Variants in EIF4H observed in about 807,000 individuals in gnomAD.
EIF4H encodes the protein Williams-Beuren syndrome chromosome region 1.
A neutral mutation model predicts 30.6 loss-of-function variants in EIF4H; 8 were observed. That is an observed-to-expected ratio of 0.26 (90% CI 0.15 to 0.47). The LOEUF (loss-of-function observed/expected upper bound fraction) is 0.47. EIF4H is among the 20% of genes least tolerant of loss of function. EIF4H has a pLI of 0.99. For missense variants in EIF4H, 188 were observed against 339.5 expected (o/e 0.55, Z 3.51); for synonymous variants, 106 against 122.7 (o/e 0.86, Z 0.90).
intron 1 of EIF4H, among the ~76,000 whole-genome samples, chr7:74,179,326 C>A (rs1372334436): frequency 6.6e-6 from 1 of 152,186 alleles, no homozygotes; most frequent in Non-Finnish European, 1.5e-5. Context: ...ACTCTTCATA[C>A]TTTTACATTA....
chr7:74,192,246 G>C lies in EIF4H; in HGVS notation c.469+1940G>C, dbSNP rs549007527. On this transcript the variant is annotated intron_variant, in intron 5 of 6. Coordinates refer to ENST00000265753, the MANE Select transcript of EIF4H (RefSeq NM_022170.2). ...AAGGTACACTTCACAGTTTAGTTTG[G>C]GGGAAACGTGAAGTTAAATGTTTTA... Among the ~76,000 whole-genome samples, 4 of 152,248 alleles carry C rather than the reference G, an allele frequency of 2.6e-5. No homozygotes were observed. In the East Asian group the frequency reaches 7.7e-4, roughly 29 times the overall value.
At chr7:74,183,590 G>A (rs1463603945) in intron 1 of EIF4H, among the ~76,000 whole-genome samples, 4 of 152,222 alleles carry the variant, frequency 2.6e-5, no homozygotes, top group Non-Finnish European at 5.9e-5. Flanking sequence ...GATCTGTGTA[G>A]GAATGTACTG....
At chr7:74,179,642 A>AC (rs1800914420) in intron 1 of EIF4H, among the ~76,000 whole-genome samples, 2 of 148,382 alleles carry the variant, frequency 1.3e-5, no homozygotes, top group South Asian at 2.1e-4. Flanking sequence ...AAAAAAAAAA[A>AC]AAAAAAGTCA....
chr7:74,179,010 T>C (rs1800899875), intron 1 of EIF4H, among the ~76,000 whole-genome samples: 1 of 152,220 alleles, frequency 6.6e-6, no homozygotes, highest in Non-Finnish European at 1.5e-5. Flanking sequence ...CACATTCTTC[T>C]CCTGTCTTTC....
chr7:74,177,360 A>G (rs542847913), intron 1 of EIF4H, among the ~76,000 whole-genome samples: 25 of 152,316 alleles, frequency 1.6e-4, no homozygotes, highest in Non-Finnish European at 3.5e-4. Flanking sequence ...ATAACATAAA[A>G]TGTGCCACTT....
intron 1 of EIF4H, among the ~76,000 whole-genome samples, chr7:74,183,540 T>C (rs1801012617): frequency 6.6e-6 from 1 of 152,242 alleles, no homozygotes; most frequent in Non-Finnish European, 1.5e-5. Context: ...TCAAGCTAGC[T>C]AAGGTGTCAA....
chr7:74,193,456 A>G (rs973648751), intron 5 of EIF4H, among the ~76,000 whole-genome samples: 11 of 152,284 alleles, frequency 7.2e-5, no homozygotes, highest in Middle Eastern at 3.4e-3. Flanking sequence ...TGTATAGTGC[A>G]TACTGCGGGC....
chr7:74,192,763 C>T (rs1801253516), intron 5 of EIF4H, among the ~76,000 whole-genome samples: 1 of 150,660 alleles, frequency 6.6e-6, no homozygotes, highest in Non-Finnish European at 1.5e-5. Flanking sequence ...CTGCAATCTC[C>T]GCCTCCAGGG....
At chr7:74,186,254 C>A (rs1369868984) in intron 1 of EIF4H, among the ~76,000 whole-genome samples, 1 of 149,234 alleles carries the variant, frequency 6.7e-6, no homozygotes, top group African/African-American at 2.5e-5. Flanking sequence ...GATGGACTCT[C>A]GCTCTGTCGC....
At chr7:74,189,765 T>C in intron 3 of EIF4H, 28 bp downstream of exon 3, 1 of 1,614,204 alleles carries the variant, frequency 6.2e-7, no homozygotes, top group South Asian at 1.1e-5. Context: ...TTCTCTGTCA[T>C]AGCAGTTGAG....
rs375525349 is a variant in EIF4H at position 74,193,549 on chromosome 7, C to G, written c.470-1192C>G. ...TCGCAGAGAGTAGCAGTGGCACCCC[C>G]TGAGTGCGCAACCAACAGCAGCAAG... On this transcript the variant is annotated intron_variant, in intron 5 of 6. Transcript: ENST00000265753. Among the ~76,000 whole-genome samples the G allele has an allele frequency of 5.9e-5, 9 of 152,214 alleles. No individual in the cohort carries two copies. The East Asian group carries it at 9.7e-4, about 16-fold the overall frequency.
At chr7:74,193,845 T>C (rs1801282141) in intron 5 of EIF4H, among the ~76,000 whole-genome samples, 1 of 152,056 alleles carries the variant, frequency 6.6e-6, no homozygotes, top group Admixed American at 6.6e-5. Flanking sequence ...ACTCCTATAC[T>C]CACCTCCCAC....
At chr7:74,177,809 C>T (rs777718083) in intron 1 of EIF4H, among the ~76,000 whole-genome samples, 15 of 152,176 alleles carry the variant, frequency 9.9e-5, no homozygotes, top group Non-Finnish European at 2.1e-4. Context: ...CTCTGCATGA[C>T]GGTTCATGTA....
At chr7:74,174,944 C>T (rs1554707461) in intron 1 of EIF4H, among the ~76,000 whole-genome samples, 1 of 152,244 alleles carries the variant, frequency 6.6e-6, no homozygotes, top group African/African-American at 2.4e-5. Context: ...GGGCGATTCC[C>T]TTCCCCTTAC....
intron 1 of EIF4H, among the ~76,000 whole-genome samples, chr7:74,181,961 C>A: frequency 6.9e-6 from 1 of 145,534 alleles, no homozygotes. Context: ...GTGATTCATC[C>A]GCTTCAGCCT....
chr7:74,192,534 C>T (rs1414208874), intron 5 of EIF4H, among the ~76,000 whole-genome samples: 1 of 152,132 alleles, frequency 6.6e-6, no homozygotes, highest in Non-Finnish European at 1.5e-5. Context: ...ACAGGTGATG[C>T]AGTCAGCGCT....
chr7:74,190,431 TGCAGGGTGCCCAGGCATGCAA>T lies in EIF4H; in HGVS notation c.469+127_469+147del. On this transcript the variant is annotated intron_variant, in intron 5 of 6. Coordinates refer to ENST00000265753, the MANE Select transcript of EIF4H (RefSeq NM_022170.2). Reference sequence around the variant, plus strand: ...GTTCCTTTAACAAATACAACTCTCCTGCAGGGTGCCCAGGCATGCAAGTAAGCCTCTGTTAGAGCCTGTGGG... The same window carrying T: ...GTTCCTTTAACAAATACAACTCTCCTGTAAGCCTCTGTTAGAGCCTGTGGG... The T allele has an allele frequency of 6.4e-6, 6 of 937,326 alleles. No homozygotes were observed. The South Asian group carries it at 9.1e-5, about 14-fold the overall frequency. 58.1% of individuals were successfully genotyped at this position (937,326 alleles called of 1,614,324 possible).
At chr7:74,175,086 T>A (rs1401544820) in intron 1 of EIF4H, among the ~76,000 whole-genome samples, 1 of 152,206 alleles carries the variant, frequency 6.6e-6, no homozygotes, top group East Asian at 1.9e-4. Flanking sequence ...CCTTGACAGG[T>A]GCTACGTGCT....
At chr7:74,180,031 G>C (rs1196810942) in intron 1 of EIF4H, among the ~76,000 whole-genome samples, 2 of 151,960 alleles carry the variant, frequency 1.3e-5, no homozygotes, top group African/African-American at 4.8e-5. Context: ...TCCAGACCTG[G>C]TCTTTTCAAA....
Sources: allele counts gnomAD v4.1 joint callset (sites outside exome capture counted in the v4.1 genomes callset), GRCh38; gene constraint gnomAD v4.1.1; transcripts MANE v1.5; gene names NCBI Gene and HGNC (gene_info 2026-07-23, HGNC 2026-07-21).